Variants in TTC19 observed in about 807,000 individuals in gnomAD.
TTC19 encodes the protein tetratricopeptide repeat domain 19.
TTC19 carries 38 observed loss-of-function variants against 49.5 expected under a neutral mutation model. The observed-to-expected ratio is 0.77, with a 90% CI of 0.59 to 1.01. The LOEUF is 1.01. Among genes scored for constraint, TTC19 ranks in the 50% least tolerant of loss-of-function variants. The pLI is 0.00. For synonymous variants in TTC19, 204 were observed against 185.2 expected, an observed-to-expected ratio of 1.10 and a Z score of -0.83; for missense variants, 475 against 477.7, an observed-to-expected ratio of 0.99 and a Z score of 0.05.
intron 7 of TTC19, among the ~76,000 whole-genome samples, chr17:16,011,847 G>A (rs1386846743): frequency 4.6e-5 from 7 of 152,126 alleles, no homozygotes; most frequent in Non-Finnish European, 8.8e-5. Flanking sequence ...TACATAAAAC[G>A]TACTTAGAAT....
chr17:16,012,485 G>C (rs1044263906), intron 7 of TTC19, among the ~76,000 whole-genome samples: 4 of 152,026 alleles, frequency 2.6e-5, no homozygotes, highest in Non-Finnish European at 1.5e-5. Flanking sequence ...TCTTGGGGCT[G>C]GGGGGTGGAA....
intron 7 of TTC19, among the ~76,000 whole-genome samples, chr17:16,012,590 A>G (rs1208009151): frequency 1.3e-5 from 2 of 151,728 alleles, no homozygotes; most frequent in Non-Finnish European, 2.9e-5. Flanking sequence ...TGTCACTATC[A>G]TTCAATGGCA....
chr17:16,017,812 A>T (rs1354681092), intron 7 of TTC19, among the ~76,000 whole-genome samples: 1 of 151,468 alleles, frequency 6.6e-6, no homozygotes, highest in Non-Finnish European at 1.5e-5. Context: ...TGGTCTAATT[A>T]TTGCATTTTA....
At chr17:16,040,294 AAACCTTCCTTCACT>A in intron 2 of TTC19, 3 of 729,542 alleles carry the variant, frequency 4.1e-6, no homozygotes, top group Non-Finnish European at 7.3e-6. Flanking sequence ...GCTACTGGGT[AAACCTTCCTTCACT>A]AAATTATTTA....
Position 16,035,300 on chromosome 17 carries a change from G to C in TTC19, c.247+8598G>C, listed in dbSNP as rs543451316. Among the ~76,000 whole-genome samples, 73 of 152,246 alleles carry C rather than the reference G, an allele frequency of 4.8e-4. 1 individual carries two copies. Among genetic ancestry groups the C allele is most frequent in the African/African-American group, 1.7e-3 (69 of 41,538 alleles). On this transcript the variant is annotated intron_variant, in intron 2 of 2. Transcript: ENST00000470649. ...AGCCACAGTAGAACTTTCAAAATTG[G>C]AGTTGATCCCTCAAACCCTTCTTTA... is the stretch of plus-strand genomic sequence containing the variant.
At chr17:16,007,400 G>A (rs1053519933) in intron 7 of TTC19, among the ~76,000 whole-genome samples, 1 of 152,168 alleles carries the variant, frequency 6.6e-6, no homozygotes, top group African/African-American at 2.4e-5. Context: ...ACAGACAGGA[G>A]ATTCATTCTT....
intron 7 of TTC19, among the ~76,000 whole-genome samples, chr17:16,022,910 T>C (rs145525038): frequency 1.1e-4 from 16 of 152,330 alleles, no homozygotes; most frequent in African/African-American, 3.8e-4. Flanking sequence ...TTTCAAATGG[T>C]CCTTTAAGGG....
At chr17:16,025,907 G>T (rs959723065) in intron 8 of TTC19, among the ~76,000 whole-genome samples, 2 of 152,182 alleles carry the variant, frequency 1.3e-5, no homozygotes, top group Non-Finnish European at 2.9e-5. Flanking sequence ...AACTTATTAT[G>T]AAGAGTCCCT....
chr17:16,044,738 G>C, exon 3 of TTC19: 1 of 767,944 alleles, frequency 1.3e-6, no homozygotes, highest in Non-Finnish European at 2.4e-6. Flanking sequence ...TGTAAATGTT[G>C]AACCTTTTTG....
chr17:16,040,807 A>T (rs1425946461), intron 2 of TTC19: 2 of 344,974 alleles, frequency 5.8e-6, no homozygotes, highest in Non-Finnish European at 1.1e-5. Flanking sequence ...AGGCGGTAGG[A>T]CTGCTTGAGC....
intron 6 of TTC19, among the ~76,000 whole-genome samples, chr17:16,005,181 A>G (rs987631928): frequency 6.6e-6 from 1 of 152,158 alleles, no homozygotes; most frequent in Non-Finnish European, 1.5e-5. Context: ...TGTACTTTTC[A>G]TTTTGTTTTA....
intron 7 of TTC19, among the ~76,000 whole-genome samples, chr17:16,007,327 G>GT: frequency 6.6e-6 from 1 of 152,160 alleles, no homozygotes. Context: ...GTTAGGCACA[G>GT]TAAGAGATTA....
chr17:16,000,585 C>A, intron 2 of TTC19: 1 of 331,510 alleles, frequency 3.0e-6, no homozygotes. Flanking sequence ...ACGTATATAG[C>A]GGCCTGAAAA....
At chr17:16,019,406 A>G (rs572552600) in intron 7 of TTC19, among the ~76,000 whole-genome samples, 20 of 152,318 alleles carry the variant, frequency 1.3e-4, no homozygotes, top group Admixed American at 1.2e-3. Context: ...ATACTGTACA[A>G]TTGGTTTTGT....
At position 16,027,784 on chromosome 17, in the gene TTC19, C is replaced by A; in HGVS notation, c.*262C>A. ...GTTGTAACACGTGACTTGGTGCTGT[C>A]CCTGCTGGTCTAAGTAGAACTGTAG... On this transcript the variant is annotated 3_prime_UTR_variant, in exon 10 of 10. Transcript: ENST00000261647. 1 of 546,296 alleles carries A rather than the reference C, an allele frequency of 1.8e-6. No individual in the cohort carries two copies. Among genetic ancestry groups the A allele is most frequent in the South Asian group, 1.5e-5 (1 of 65,306 alleles). The allele number at this position is 546,296 out of a possible 1,614,324, so 33.8% of individuals were successfully genotyped here.
chr17:16,025,529 C>T (rs1400432826), intron 8 of TTC19, among the ~76,000 whole-genome samples: 2 of 152,162 alleles, frequency 1.3e-5, no homozygotes, highest in African/African-American at 4.8e-5. Context: ...CGGTTTAATA[C>T]ACAAATATCC....
At chr17:16,009,874 G>C (rs575284730) in intron 7 of TTC19, among the ~76,000 whole-genome samples, 1 of 152,106 alleles carries the variant, frequency 6.6e-6, no homozygotes, top group Non-Finnish European at 1.5e-5. Flanking sequence ...TTACAAAACA[G>C]TATAGTTAGT....
chr17:16,026,864 A>C lies in TTC19; in HGVS notation c.994+162A>C, dbSNP rs540721265. 5.1e-6 allele frequency: 4 copies of C among 780,626 alleles called. No homozygotes were observed. The East Asian group carries it at 1.1e-4, about 21-fold the overall frequency. 48.4% of individuals were successfully genotyped at this position (780,626 alleles called of 1,614,324 possible). A position where few individuals can be genotyped will look rare whatever the true frequency, so the allele number is the denominator to read the frequency against. On this transcript the variant is annotated intron_variant, in intron 9 of 9. Transcript: ENST00000261647. Reference sequence around the variant, plus strand: ...AAAAAGGAGGTATTGATTAGGTTGAAGTACTATTGTGTTCAATTCACGTAA... The same window carrying C: ...AAAAAGGAGGTATTGATTAGGTTGACGTACTATTGTGTTCAATTCACGTAA...
At chr17:16,038,472 T>C (rs1257119498) in intron 2 of TTC19, among the ~76,000 whole-genome samples, 1 of 152,048 alleles carries the variant, frequency 6.6e-6, no homozygotes, top group East Asian at 1.9e-4. Flanking sequence ...GGTCTCACTT[T>C]GTCACCTGGG....
Sources: gnomAD v4.1 joint callset for allele counts (sites outside exome capture counted in the v4.1 genomes callset) on GRCh38, gnomAD v4.1.1 for gene constraint, MANE v1.5 for transcripts, NCBI Gene and HGNC (gene_info 2026-07-23, HGNC 2026-07-21) for gene names.